PRELID2: variants seen among roughly 807,000 people sequenced by gnomAD.
The protein encoded by PRELID2 is PRELI domain containing 2.
A neutral mutation model predicts 28.4 loss-of-function variants in PRELID2; 25 were observed. The observed-to-expected ratio is 0.88, with a 90% CI of 0.64 to 1.23. The LOEUF is 1.23. Among genes scored for constraint, PRELID2 ranks in the 50% most tolerant of loss-of-function variants. The pLI is 0.00. For synonymous variants in PRELID2, 76 were observed against 71.6 expected (o/e 1.06, Z -0.31); for missense variants, 201 against 214.4 (o/e 0.94, Z 0.39).
At chr5:145,591,831 A>G (rs1386576772) in intron 1 of PRELID2, among the ~76,000 whole-genome samples, 1 of 152,142 alleles carries the variant, frequency 6.6e-6, no homozygotes, top group African/African-American at 2.4e-5. Flanking sequence ...CTTTCCCTGG[A>G]TCTGATTTGA....
At chr5:145,542,750 T>TTTCC (rs35160252) in intron 1 of PRELID2, among the ~76,000 whole-genome samples, 1 of 24,574 alleles carries the variant, frequency 4.1e-5, no homozygotes, top group South Asian at 3.6e-3. Flanking sequence ...TACATTGTAA[T>TTTCC]TTCTTTCTTT....
chr5:145,348,254 A>G, the PRELID2 span, among the ~76,000 whole-genome samples: 1 of 152,156 alleles, frequency 6.6e-6, no homozygotes, highest in Non-Finnish European at 1.5e-5. Flanking sequence ...GCAGAAGTCC[A>G]TCAAAACATA....
In PRELID2 at chr5:145,575,084, T is replaced by A. The variant is rs1310438360; in HGVS notation, n.71-101769A>T. ...TGATAGGAAATGTTATGGGACCCTG[T>A]TGTAGTGATGCTCTGAATCATCCCT... On this transcript the variant is annotated intron_variant and non_coding_transcript_variant, in intron 1 of 2. Coordinates refer to the PRELID2 transcript ENST00000510259. 3.3e-5 allele frequency among the ~76,000 whole-genome samples: 5 copies of A among 152,182 alleles called. No individual in the cohort carries two copies. The East Asian group carries it at 9.6e-4, about 29-fold the overall frequency.
chr5:145,741,352 T>C (rs1313464512), intron 1 of PRELID2, among the ~76,000 whole-genome samples: 2 of 117,378 alleles, frequency 1.7e-5, no homozygotes, highest in Non-Finnish European at 3.2e-5. Flanking sequence ...AATTTATTAA[T>C]AAATAATTTA....
At chr5:145,254,037 G>A in the PRELID2 span, among the ~76,000 whole-genome samples, 10 of 152,046 alleles carry the variant, frequency 6.6e-5, no homozygotes, top group South Asian at 2.1e-3. Flanking sequence ...ATAACGACAA[G>A]AAGGCAGTGT....
At chr5:145,237,255 C>G in the PRELID2 span, among the ~76,000 whole-genome samples, 3 of 152,144 alleles carry the variant, frequency 2.0e-5, no homozygotes, top group African/African-American at 4.8e-5. Context: ...GTCACCAAGA[C>G]AGTGTGGTTA....
At chr5:145,602,026 T>C (rs888510371) in intron 1 of PRELID2, among the ~76,000 whole-genome samples, 1 of 152,208 alleles carries the variant, frequency 6.6e-6, no homozygotes, top group Non-Finnish European at 1.5e-5. Context: ...TGCTTTAGTG[T>C]TACTCCAAGG....
intron 1 of PRELID2, among the ~76,000 whole-genome samples, chr5:145,665,357 AG>A (rs1483709306): frequency 6.6e-6 from 1 of 152,038 alleles, no homozygotes; most frequent in Non-Finnish European, 1.5e-5. Context: ...TAAATTGGAA[AG>A]GGGGGTGGTC....
At chr5:145,464,680 T>C in the PRELID2 span, among the ~76,000 whole-genome samples, 1 of 152,150 alleles carries the variant, frequency 6.6e-6, no homozygotes. Flanking sequence ...GAATATATTT[T>C]TAGATGTTAC....
At chr5:145,773,657 G>A (rs1758239664) in intron 5 of PRELID2, among the ~76,000 whole-genome samples, 1 of 152,224 alleles carries the variant, frequency 6.6e-6, no homozygotes, top group Non-Finnish European at 1.5e-5. Flanking sequence ...GCTGGCACCA[G>A]ACCATCCCAG....
In PRELID2 at chr5:145,817,985, T is replaced by G. The variant is rs770673925; in HGVS notation, c.277A>C (p.Met93Leu). 1.9e-6 allele frequency: 3 copies of G among 1,612,452 alleles called. No individual in the cohort carries two copies. The highest frequency in any genetic ancestry group is 1.7e-6 in the Non-Finnish European group (2 of 1,179,326). Residue 93 changes from methionine to leucine, a missense_variant, in exon 4 of 7, where the codon ATG (methionine) becomes CTG (leucine). Coordinates refer to ENST00000683046, the MANE Select transcript of PRELID2 (RefSeq NM_205846.3). ...GTAAGGCAGTGACTCCGTATGGCCA[T>G]GTTTCTTTCCCGAGGATTGAGCCAT... ...ESWLNPRERN[M>L]AIRSHCLTWT...
rs1428465089 is a variant in PRELID2 at position 145,756,915 on chromosome 5, G to A, written c.*3621C>T. ...TAAAAACCATGGTAGAACTCAAAGAGCAAATGTATCTGGAGCCTTCAGTGT... is the reference window on the plus strand; with the variant it reads ...TAAAAACCATGGTAGAACTCAAAGAACAAATGTATCTGGAGCCTTCAGTGT... On this transcript the variant is annotated 3_prime_UTR_variant, in exon 7 of 7. Transcript: ENST00000683046. Among the ~76,000 whole-genome samples the A allele has an allele frequency of 6.6e-6, 1 of 152,122 alleles. No individual in the cohort carries two copies. The highest frequency in any genetic ancestry group is 2.4e-5 in the African/African-American group (1 of 41,424).
At chr5:145,707,576 G>A (rs1308602913) in intron 1 of PRELID2, among the ~76,000 whole-genome samples, 4 of 152,094 alleles carry the variant, frequency 2.6e-5, no homozygotes, top group African/African-American at 9.7e-5. Flanking sequence ...GTGGCCTTTA[G>A]AATTGACAAT....
intron 1 of PRELID2, among the ~76,000 whole-genome samples, chr5:145,644,641 T>C (rs936737306): frequency 1.3e-5 from 2 of 152,234 alleles, no homozygotes; most frequent in Non-Finnish European, 2.9e-5. Flanking sequence ...TGCTGTCTCT[T>C]GTGGGCATTT....
In PRELID2 at chr5:145,768,932, A is replaced by G. The variant is rs900713313; in HGVS notation, c.475-3932T>C. 3.9e-5 allele frequency among the ~76,000 whole-genome samples: 6 copies of G among 152,154 alleles called. No homozygotes were observed. In the East Asian group the frequency reaches 1.2e-3, roughly 29 times the overall value. ...AGAGAGAGGCCTATAAAATAAACAA[A>G]AAAGAAAAAAAAACACCTAACAGGG... On this transcript the variant is annotated intron_variant, in intron 5 of 6. Coordinates refer to ENST00000683046, the MANE Select transcript of PRELID2 (RefSeq NM_205846.3).
chr5:145,438,175 T>C, the PRELID2 span, among the ~76,000 whole-genome samples: 1 of 152,152 alleles, frequency 6.6e-6, no homozygotes, highest in Non-Finnish European at 1.5e-5. Flanking sequence ...AATACAATGA[T>C]AGATACAAAC....
At chr5:145,508,407 CA>C (rs1319091719) in intron 1 of PRELID2, among the ~76,000 whole-genome samples, 1 of 151,718 alleles carries the variant, frequency 6.6e-6, no homozygotes, top group African/African-American at 2.4e-5. Flanking sequence ...GAAGGCTGCA[CA>C]AAAAACTACT....
At chr5:145,618,487 C>T (rs1190316635) in intron 1 of PRELID2, among the ~76,000 whole-genome samples, 1 of 152,190 alleles carries the variant, frequency 6.6e-6, no homozygotes, top group Non-Finnish European at 1.5e-5. Context: ...CTACCAGGCT[C>T]TAGGCTGGTA....
chr5:145,242,730 G>A, the PRELID2 span, among the ~76,000 whole-genome samples: 1 of 152,068 alleles, frequency 6.6e-6, no homozygotes, highest in East Asian at 1.9e-4. Context: ...CCTGTGGGCA[G>A]TAGGTTAAAC....
Sources: allele counts gnomAD v4.1 joint callset (sites outside exome capture counted in the v4.1 genomes callset), GRCh38; gene constraint gnomAD v4.1.1; transcripts MANE v1.5; gene names NCBI Gene and HGNC (gene_info 2026-07-23, HGNC 2026-07-21).